The following METTL1 variants were observed in gnomAD, a reference collection of about 807,000 sequenced individuals.
The protein encoded by METTL1 is tRNA (guanine-N(7)-)-methyltransferase.
METTL1 carries 14 observed loss-of-function variants against 27.7 expected under a neutral mutation model. The observed-to-expected ratio is 0.51, with a 90% CI of 0.33 to 0.79. The LOEUF (loss-of-function observed/expected upper bound fraction) is 0.79, where lower values mean the gene tolerates loss of function less well. Among genes scored for constraint, METTL1 ranks in the 30% least tolerant of loss-of-function variants. The pLI, the probability that METTL1 is intolerant of heterozygous loss-of-function variation, is 0.02. For missense variants in METTL1, 333 were observed against 359.6 expected, an observed-to-expected ratio of 0.93 and a Z score of 0.60; for synonymous variants, 138 against 137.0, an observed-to-expected ratio of 1.01 and a Z score of -0.05.
chr12:57,769,886 A>G lies in METTL1; in HGVS notation c.345T>C (p.Tyr115=). The G allele has an allele frequency of 6.2e-7, 1 of 1,614,040 alleles. No individual in the cohort carries two copies. Among genetic ancestry groups the G allele is most frequent in the Non-Finnish European group, 8.5e-7 (1 of 1,179,942 alleles). Residue 115 remains tyrosine, a synonymous_variant, in exon 3 of 6, where the codon TAT becomes TAC. Coordinates refer to ENST00000324871, the MANE Select transcript of METTL1 (RefSeq NM_005371.6). ...GLEIRVKVSD[Y]VQDRIRALRA... ...GTAGGGCCCGAATCCGGTCTTGTAC[A>G]TAGTCTGAGACCTTCACCCGGATCT...
intron 1 of METTL1, 50 bp from the exon 2 acceptor site, chr12:57,771,307 C>T: frequency 2.7e-6 from 4 of 1,455,200 alleles, no homozygotes; most frequent in Non-Finnish European, 2.8e-6. Context: ...CACACCATTG[C>T]AGAAGTGGTA....
At chr12:57,771,370 C>A in intron 1 of METTL1, 113 bp from the exon 2 acceptor site, 1 of 1,479,252 alleles carries the variant, frequency 6.8e-7, no homozygotes, top group Non-Finnish European at 9.0e-7. Flanking sequence ...AGGAGGGTTT[C>A]TCAAAAATTC....
At chr12:57,769,229 C>G in intron 5 of METTL1, 74 bp downstream of exon 5, 1 of 1,610,626 alleles carries the variant, frequency 6.2e-7, no homozygotes, top group Non-Finnish European at 8.5e-7. Flanking sequence ...ATCCCATCCT[C>G]CTGGCACTGA....
intron 1 of METTL1, 111 bp from the exon 2 acceptor site, chr12:57,771,368 T>G (rs1353679151): frequency 1.3e-5 from 19 of 1,477,606 alleles, no homozygotes; most frequent in Non-Finnish European, 1.6e-5. Flanking sequence ...GGAGGAGGGT[T>G]TCTCAAAAAT....
chr12:57,769,056 T>C lies in METTL1; in HGVS notation c.771A>G (p.Arg257=), dbSNP rs1181049932. Residue 257 remains arginine (R), a synonymous_variant, in exon 6 of 6, where the codon CGA becomes CGG. Coordinates refer to ENST00000324871, the MANE Select transcript of METTL1 (RefSeq NM_005371.6). ...CCTGGAGGACGGGATCTTGTATTCT[T>C]CGGAAGATGGCTGGGAAATTCTTCC... The part of the protein sequence containing the change: ...NGGKNFPAIF[R]RIQDPVLQAV... The C allele has an allele frequency of 6.2e-7, 1 of 1,612,176 alleles. No individual in the cohort carries two copies. The highest frequency in any genetic ancestry group is 1.1e-5 in the South Asian group (1 of 91,056).
At position 57,769,372 on chromosome 12, in the gene METTL1, C is replaced by G; in HGVS notation, c.606G>C (p.Glu202Asp). 6 of 1,614,132 alleles carry G rather than the reference C, an allele frequency of 3.7e-6. No homozygotes were observed. Among genetic ancestry groups the G allele is most frequent in the Non-Finnish European group, 4.2e-6 (5 of 1,180,020 alleles). The change falls in exon 5 of 6, where the codon GAG (glutamate) becomes GAC (aspartate). Residue 202 changes from glutamate to aspartate, a missense_variant. Transcript: ENST00000324871. ...GLVYTITDVL[E>D]LHDWMCTHFE... ...AATGAGTGCACATCCAGTCGTGTAG[C>G]TCCAGCACATCGGTTATGGTATACA...
chr12:57,771,580 C>T (rs1299022147), intron 1 of METTL1: 1 of 1,535,420 alleles, frequency 6.5e-7, no homozygotes, highest in East Asian at 2.4e-5. Context: ...GCCTAATGCA[C>T]TGGGATCCTA....
chr12:57,769,041 G>A lies in METTL1; in HGVS notation c.786C>T (p.Pro262=), dbSNP rs751252853. Residue 262 remains proline (P), a synonymous_variant, in exon 6 of 6, where the codon CCC becomes CCT. Transcript: ENST00000324871. ...FPAIFRRIQD[P]VLQAVTSQTS... ...TTTGGGAGGTCACTGCCTGGAGGAC[G>A]GGATCTTGTATTCTTCGGAAGATGG... 3.1e-5 allele frequency: 50 copies of A among 1,610,312 alleles called. No individual in the cohort carries two copies. The highest frequency in any genetic ancestry group is 2.4e-4 in the African/African-American group (18 of 74,868).
chr12:57,770,293 TAG>T (rs1955414414), intron 2 of METTL1, among the ~76,000 whole-genome samples: 1 of 152,250 alleles, frequency 6.6e-6, no homozygotes, highest in Non-Finnish European at 1.5e-5. Context: ...CCGAAGATCA[TAG>T]AGTTAAGAAG....
intron 1 of METTL1, chr12:57,771,505 G>C: frequency 6.6e-7 from 1 of 1,524,066 alleles, no homozygotes; most frequent in Non-Finnish European, 8.8e-7. Flanking sequence ...TCTGGCGGTT[G>C]ATGTGACCCT....
rs1191926832 is a variant in METTL1, at chr12:57,768,800, G to A, written c.*196C>T. 1 of 549,390 alleles carries A rather than the reference G, an allele frequency of 1.8e-6. No individual in the cohort carries two copies. Among genetic ancestry groups the A allele is most frequent in the East Asian group, 2.8e-5 (1 of 35,214 alleles). 34.0% of individuals were successfully genotyped at this position (549,390 alleles called of 1,614,324 possible). ...ATCTCAGTCAGCTGCTTTGTTTTCT[G>A]TTGGCAGTGGAGGGACAAGGTGAGA... On this transcript the variant is annotated 3_prime_UTR_variant, in exon 6 of 6. Transcript: ENST00000324871.
At chr12:57,769,254 C>G in intron 5 of METTL1, 49 bp downstream of exon 5, 1 of 1,612,446 alleles carries the variant, frequency 6.2e-7, no homozygotes, top group Non-Finnish European at 8.5e-7. Flanking sequence ...AGTCCAAATA[C>G]AGAACCACTC....
chr12:57,771,301 C>G (rs1270126989), intron 1 of METTL1, 44 bp from the exon 2 acceptor site: 9 of 1,530,934 alleles, frequency 5.9e-6, no homozygotes, highest in Non-Finnish European at 8.0e-6. Flanking sequence ...GTTGGTCACA[C>G]CATTGCAGAA....
intron 1 of METTL1, chr12:57,771,537 G>A (rs567298505): frequency 2.0e-4 from 301 of 1,533,548 alleles, no homozygotes; most frequent in Admixed American, 9.7e-4. Flanking sequence ...TGCCCTTTCT[G>A]GGGCACAAGT....
At chr12:57,771,292 T>C (rs561693439) in intron 1 of METTL1, 35 bp from the exon 2 acceptor site, 100 of 1,605,346 alleles carry the variant, frequency 6.2e-5, no homozygotes, top group East Asian at 2.9e-4. Flanking sequence ...CATGAGAAGG[T>C]TGGTCACACC....
At chr12:57,771,022 C>T in intron 2 of METTL1, 72 bp downstream of exon 2, 1 of 1,537,226 alleles carries the variant, frequency 6.5e-7, no homozygotes, top group South Asian at 1.2e-5. Flanking sequence ...ATTATGACCC[C>T]CCACAAAAGT....
At chr12:57,770,412 A>C (rs967316495) in intron 2 of METTL1, among the ~76,000 whole-genome samples, 9 of 152,192 alleles carry the variant, frequency 5.9e-5, no homozygotes, top group Non-Finnish European at 1.2e-4. Context: ...TCCCAGGTTC[A>C]AGTAATTCTC....
chr12:57,771,054 T>A (rs1595123927), intron 2 of METTL1, 40 bp downstream of exon 2: 1 of 1,598,142 alleles, frequency 6.3e-7, no homozygotes. Context: ...CAGAAGCTAC[T>A]AGGCCTCTTC....
intron 1 of METTL1, 67 bp from the exon 2 acceptor site, chr12:57,771,324 G>A: frequency 8.9e-7 from 1 of 1,119,270 alleles, no homozygotes; most frequent in South Asian, 1.3e-5. Context: ...GGTACTGTGA[G>A]AGTGTGTGGG....
Sources: allele counts gnomAD v4.1 joint callset (sites outside exome capture counted in the v4.1 genomes callset), GRCh38; gene constraint gnomAD v4.1.1; transcripts MANE v1.5; gene names NCBI Gene and HGNC (gene_info 2026-07-23, HGNC 2026-07-21).